PTPRD: variants seen among roughly 807,000 people sequenced by gnomAD.
PTPRD encodes protein tyrosine phosphatase receptor type D.
A neutral mutation model predicts 214.5 loss-of-function variants in PTPRD; 34 were observed. That is an observed-to-expected ratio of 0.16 (90% confidence interval 0.12 to 0.21). PTPRD has a LOEUF of 0.21. PTPRD is among the 10% of genes least tolerant of loss of function. The pLI, the probability that PTPRD is intolerant of heterozygous loss-of-function variation, is 1.00. For synonymous variants in PTPRD, 1,128 were observed against 845.7 expected, an observed-to-expected ratio of 1.33 and a Z score of -5.79; for missense variants, 2,545 against 2,398.7, an observed-to-expected ratio of 1.06 and a Z score of -1.27.
At position 8,613,451 on chromosome 9, in the gene PTPRD, C is replaced by T. The variant is rs558080746; in HGVS notation, c.352+19866G>A. Among the ~76,000 whole-genome samples, 6 of 152,234 alleles carry T rather than the reference C, an allele frequency of 3.9e-5. No homozygotes were observed. The South Asian group carries it at 1.2e-3, about 32-fold the overall frequency. ...AAATACTTGAGAGACTATTCTGCTA[C>T]TGACTTATTTTTTTTAAAACTAAAA... On this transcript the variant is annotated intron_variant, in intron 14 of 45. Coordinates refer to ENST00000381196, the MANE Select transcript of PTPRD (RefSeq NM_002839.4).
intron 12 of PTPRD, among the ~76,000 whole-genome samples, chr9:8,673,798 A>G (rs2097339763): frequency 6.6e-6 from 1 of 152,158 alleles, no homozygotes; most frequent in South Asian, 2.1e-4. Context: ...AGTGTTTCTC[A>G]ACTTTGGTGC....
At chr9:10,078,407 T>C (rs1055208789) in intron 3 of PTPRD, among the ~76,000 whole-genome samples, 2 of 146,834 alleles carry the variant, frequency 1.4e-5, no homozygotes, top group Non-Finnish European at 3.0e-5. Context: ...TCCCAGCTAC[T>C]CAGGAGGCTG....
intron 9 of PTPRD, among the ~76,000 whole-genome samples, chr9:9,337,420 A>G (rs935443411): frequency 7.2e-5 from 11 of 152,258 alleles, no homozygotes; most frequent in African/African-American, 2.6e-4. Context: ...CAAATCATCT[A>G]ACTCTTCTTG....
In PTPRD at chr9:10,246,050, T is replaced by C. The variant is rs1362945144; in HGVS notation, c.-545+94913A>G. ...TATTTCCTTTGGCCTCCCAAGAATG[T>C]TTTTTTCTTCTCCTGCTTTTTAAAC... is the stretch of plus-strand genomic sequence containing the variant. On this transcript the variant is annotated intron_variant, in intron 3 of 45. Transcript: ENST00000381196. Among the ~76,000 whole-genome samples the C allele has an allele frequency of 2.0e-5, 3 of 152,118 alleles. No homozygotes were observed. In the East Asian group the frequency reaches 5.8e-4, roughly 29 times the overall value.
At chr9:9,828,974 A>C (rs2053924774) in intron 5 of PTPRD, among the ~76,000 whole-genome samples, 1 of 151,968 alleles carries the variant, frequency 6.6e-6, no homozygotes, top group South Asian at 2.1e-4. Context: ...ATTATCTTGC[A>C]GATTTATCCT....
intron 11 of PTPRD, among the ~76,000 whole-genome samples, chr9:8,816,876 TACA>T (rs923986322): frequency 4.6e-5 from 7 of 152,210 alleles, no homozygotes; most frequent in Non-Finnish European, 8.8e-5. Flanking sequence ...TTCTAAGGAA[TACA>T]ACAACAGAAT....
At chr9:8,325,819 A>G (rs1833098811) in intron 44 of PTPRD, among the ~76,000 whole-genome samples, 1 of 152,056 alleles carries the variant, frequency 6.6e-6, no homozygotes. Flanking sequence ...TTGGACTCCT[A>G]GGTATTTTAT....
chr9:9,681,332 G>C (rs957422757), intron 7 of PTPRD, among the ~76,000 whole-genome samples: 2 of 151,564 alleles, frequency 1.3e-5, no homozygotes, highest in Admixed American at 1.3e-4. Context: ...CTATTATCTT[G>C]AAGTTTAAGA....
intron 2 of PTPRD, among the ~76,000 whole-genome samples, chr9:10,487,714 T>G (rs2099141854): frequency 1.4e-5 from 2 of 146,756 alleles, no homozygotes; most frequent in South Asian, 2.2e-4. Context: ...GGGTGGAGGG[T>G]GAGGGGAGGG....
At chr9:8,590,785 C>G (rs1453018242) in intron 14 of PTPRD, among the ~76,000 whole-genome samples, 2 of 152,120 alleles carry the variant, frequency 1.3e-5, no homozygotes, top group Non-Finnish European at 2.9e-5. Flanking sequence ...ATAGTTCTGT[C>G]TAAAATTAAG....
chr9:9,325,683 T>C (rs1273985272), intron 9 of PTPRD, among the ~76,000 whole-genome samples: 1 of 152,188 alleles, frequency 6.6e-6, no homozygotes, highest in Non-Finnish European at 1.5e-5. Context: ...ATACCCTTTA[T>C]CTCTTTCTCC....
chr9:9,865,816 C>A (rs10514818), intron 5 of PTPRD, among the ~76,000 whole-genome samples: 12,826 of 152,130 alleles, frequency 0.084, 1,278 homozygotes, highest in African/African-American at 0.24. Flanking sequence ...CCATTTTAGC[C>A]GATTAAAGAT....
chr9:9,205,662 T>G (rs2099944400), intron 9 of PTPRD, among the ~76,000 whole-genome samples: 1 of 152,200 alleles, frequency 6.6e-6, no homozygotes, highest in African/African-American at 2.4e-5. Flanking sequence ...TTTTTATCAT[T>G]TTGCTTATAC....
At chr9:10,388,707 T>C (rs1209063739) in intron 2 of PTPRD, among the ~76,000 whole-genome samples, 2 of 151,914 alleles carry the variant, frequency 1.3e-5, no homozygotes, top group East Asian at 3.9e-4. Context: ...TCCTGCCTAT[T>C]GATCACTGTG....
At chr9:10,546,269 T>C (rs1001874473) in intron 2 of PTPRD, among the ~76,000 whole-genome samples, 1 of 152,068 alleles carries the variant, frequency 6.6e-6, no homozygotes, top group Non-Finnish European at 1.5e-5. Flanking sequence ...TAGTGGCTCA[T>C]GTGTATATTA....
chr9:8,862,950 A>T (rs576826751), intron 11 of PTPRD, among the ~76,000 whole-genome samples: 53 of 152,282 alleles, frequency 3.5e-4, no homozygotes, highest in African/African-American at 1.3e-3. Context: ...GAGCATCGGG[A>T]GATATACCTA....
At chr9:9,214,216 G>A (rs753583837) in intron 9 of PTPRD, among the ~76,000 whole-genome samples, 17 of 152,146 alleles carry the variant, frequency 1.1e-4, no homozygotes, top group African/African-American at 2.9e-4. Flanking sequence ...CAGCTGTTGC[G>A]TTTCCCTCTG....
At chr9:9,839,509 C>A (rs2057748485) in intron 5 of PTPRD, among the ~76,000 whole-genome samples, 1 of 151,980 alleles carries the variant, frequency 6.6e-6, no homozygotes, top group Non-Finnish European at 1.5e-5. Context: ...CATGAAGGAC[C>A]TCTTCAAGGA....
intron 2 of PTPRD, among the ~76,000 whole-genome samples, chr9:10,465,257 T>C (rs923244993): frequency 5.3e-5 from 8 of 152,174 alleles, no homozygotes; most frequent in African/African-American, 1.9e-4. Flanking sequence ...ACAGCATATG[T>C]ACATGACATG....
Sources: allele counts gnomAD v4.1 joint callset (sites outside exome capture counted in the v4.1 genomes callset), GRCh38; gene constraint gnomAD v4.1.1; transcripts MANE v1.5; gene names NCBI Gene and HGNC (gene_info 2026-07-23, HGNC 2026-07-21).